QRFPR: variants seen among roughly 807,000 people sequenced by gnomAD.
QRFPR encodes pyroglutamylated RF-amide peptide receptor.
In QRFPR, 37 loss-of-function variants were observed where a neutral mutation model predicts 31.3. That is an observed-to-expected ratio of 1.18 (90% CI 0.91 to 1.56). The LOEUF is 1.56. Among genes scored for constraint, QRFPR ranks in the 40% most tolerant of loss-of-function variants. The probability of loss-of-function intolerance (pLI) is 0.00; values close to 1 mark genes in which losing one functional copy is unlikely to be tolerated. For synonymous variants in QRFPR, 197 were observed against 192.0 expected (o/e 1.03, Z -0.22); for missense variants, 542 against 532.5 (o/e 1.02, Z -0.18).
chr4:121,375,819 A>G (rs1334394066), intron 1 of QRFPR, among the ~76,000 whole-genome samples: 1 of 152,224 alleles, frequency 6.6e-6, no homozygotes, highest in African/African-American at 2.4e-5. Context: ...TAAAGGAAAC[A>G]AAGAGGCAAA....
At chr4:121,368,216 C>T (rs529697713) in intron 1 of QRFPR, among the ~76,000 whole-genome samples, 1 of 149,974 alleles carries the variant, frequency 6.7e-6, no homozygotes, top group South Asian at 2.1e-4. Context: ...CATTCTCCTC[C>T]TCCCACAGAC....
At position 121,331,175 on chromosome 4, in the gene QRFPR, GTTTTTTT is replaced by G. The variant is rs397995185; in HGVS notation, c.798-659_798-653del. ...TGGATATCTATACGATATATCTTGG[GTTTTTTT>G]TTTTTTTTTTTTTTTTTTTTGAGAC... On this transcript the variant is annotated intron_variant, in intron 4 of 5. Transcript: ENST00000394427. Among the ~76,000 whole-genome samples, 9 of 69,038 alleles carry G rather than the reference GTTTTTTT, an allele frequency of 1.3e-4. 1 individual carries two copies. The highest frequency in any genetic ancestry group is 6.5e-4 in the South Asian group (1 of 1,546). 45.3% of individuals were successfully genotyped at this position (69,038 alleles called of 152,430 possible).
At chr4:121,361,849 A>C (rs35555943) in intron 1 of QRFPR, among the ~76,000 whole-genome samples, 40,941 of 149,698 alleles carry the variant, frequency 0.27, 7,785 homozygotes, top group Non-Finnish European at 0.36. Context: ...GAAGCAAAAC[A>C]ATTTAATAAA....
chr4:121,376,448 C>T (rs1428604757), intron 1 of QRFPR, among the ~76,000 whole-genome samples: 1 of 152,066 alleles, frequency 6.6e-6, no homozygotes, highest in Admixed American at 6.5e-5. Context: ...CACTTTGCCT[C>T]ACCTATTATT....
Position 121,340,312 on chromosome 4 carries a change from G to A in QRFPR, c.499+140C>T. On this transcript the variant is annotated intron_variant, in intron 2 of 5. Transcript: ENST00000394427. ...TGGTGTGGAGATGAAGGCAAACAGG[G>A]AAAGCACTGAAACTCTCAAATTATA... The A allele has an allele frequency of 5.7e-6, 5 of 883,864 alleles. No individual in the cohort carries two copies. The South Asian group carries it at 7.9e-5, about 14-fold the overall frequency. 54.8% of individuals were successfully genotyped at this position (883,864 alleles called of 1,614,324 possible).
intron 1 of QRFPR, among the ~76,000 whole-genome samples, chr4:121,377,181 GC>G (rs1232230953): frequency 1.3e-5 from 2 of 152,126 alleles, no homozygotes; most frequent in Non-Finnish European, 2.9e-5. Context: ...TGTATTCCCA[GC>G]TTTTCAGAAG....
At chr4:121,340,712 C>T in intron 1 of QRFPR, 102 bp from the exon 2 acceptor site, 3 of 1,145,580 alleles carry the variant, frequency 2.6e-6, no homozygotes, top group South Asian at 3.3e-5. Context: ...TGAGCCTCTG[C>T]CAAAAAGTTT....
intron 2 of QRFPR, among the ~76,000 whole-genome samples, chr4:121,338,988 C>T (rs1387343962): frequency 6.6e-6 from 1 of 152,156 alleles, no homozygotes; most frequent in Non-Finnish European, 1.5e-5. Flanking sequence ...ATTAAAAGCC[C>T]AGAAATCTCT....
intron 1 of QRFPR, among the ~76,000 whole-genome samples, chr4:121,379,186 C>A (rs1282525838): frequency 6.6e-6 from 1 of 152,126 alleles, no homozygotes; most frequent in Non-Finnish European, 1.5e-5. Context: ...AAAATATTTA[C>A]ATTATAGATT....
intron 1 of QRFPR, chr4:121,370,211 A>G: frequency 1.3e-6 from 1 of 774,770 alleles, no homozygotes; most frequent in Admixed American, 1.7e-5. Flanking sequence ...CTGATGGAGG[A>G]GGAGTCATGG....
intron 1 of QRFPR, among the ~76,000 whole-genome samples, chr4:121,347,399 A>C (rs565179707): frequency 6.6e-6 from 1 of 152,102 alleles, no homozygotes; most frequent in East Asian, 1.9e-4. Context: ...GATGATAGAT[A>C]TAGATTACCT....
chr4:121,377,660 C>G (rs1396091974), intron 1 of QRFPR, among the ~76,000 whole-genome samples: 1 of 152,100 alleles, frequency 6.6e-6, no homozygotes, highest in Non-Finnish European at 1.5e-5. Context: ...CTTCAGGAAG[C>G]CTTCCTGACT....
chr4:121,380,684 T>C lies in QRFPR; in HGVS notation c.-37A>G. ...CCCGGGACGCGGGGCCACCGCCCGC[T>C]ACTGGCTGGCCATCCGCATCTGCGG... On this transcript the variant is annotated 5_prime_UTR_variant, in exon 1 of 6. An upstream open reading frame in the 5' UTR loses its in-frame stop. Transcript: ENST00000394427. 6.8e-7 allele frequency: 1 copy of C among 1,464,488 alleles called. No homozygotes were observed. Among genetic ancestry groups the C allele is most frequent in the South Asian group, 1.4e-5 (1 of 70,362 alleles). The allele number at this position is 1,464,488 out of a possible 1,614,324, so 90.7% of individuals were successfully genotyped here.
At chr4:121,369,379 C>G (rs1726189657) in intron 1 of QRFPR, 2 of 677,678 alleles carry the variant, frequency 3.0e-6, no homozygotes, top group Non-Finnish European at 5.3e-6. Flanking sequence ...GATAAAAGGG[C>G]AGTGGAGTGC....
chr4:121,352,446 C>T (rs1361522384), intron 1 of QRFPR, among the ~76,000 whole-genome samples: 1 of 152,024 alleles, frequency 6.6e-6, no homozygotes, highest in African/African-American at 2.4e-5. Flanking sequence ...GAAGTATGTA[C>T]TTTCTCAAGC....
chr4:121,369,807 G>T, intron 1 of QRFPR: 1 of 1,396,652 alleles, frequency 7.2e-7, no homozygotes, highest in Non-Finnish European at 1.0e-6. Flanking sequence ...GGTGAAAAGT[G>T]AGAAGTGGTG....
chr4:121,330,445 G>T lies in QRFPR; in HGVS notation c.876C>A (p.Val292=), dbSNP rs1560731428. 6.2e-7 allele frequency: 1 copy of T among 1,611,764 alleles called. No homozygotes were observed. The change falls in exon 5 of 6, where the codon GTC becomes GTA. Residue 292 remains valine (V), a synonymous_variant. Coordinates refer to ENST00000394427, the MANE Select transcript of QRFPR (RefSeq NM_198179.3). Reference sequence around the variant, plus strand: ...ACTCACTGTATTCAATCATCATATGGACAACATGGAATGGTGCCCAGCACA... The same window carrying T: ...ACTCACTGTATTCAATCATCATATGTACAACATGGAATGGTGCCCAGCACA... ...FAVCWAPFHV[V]HMMIEYSNFE...
At chr4:121,347,244 G>A (rs1187393886) in intron 1 of QRFPR, among the ~76,000 whole-genome samples, 2 of 152,048 alleles carry the variant, frequency 1.3e-5, no homozygotes, top group Non-Finnish European at 2.9e-5. Context: ...TGAGCATGTG[G>A]TTTAAAATCA....
intron 1 of QRFPR, among the ~76,000 whole-genome samples, chr4:121,346,151 T>C (rs1230449716): frequency 6.6e-6 from 1 of 152,228 alleles, no homozygotes; most frequent in Non-Finnish European, 1.5e-5. Context: ...GCAACCACTA[T>C]TTGAAATAAT....
Sources: allele counts gnomAD v4.1 joint callset (sites outside exome capture counted in the v4.1 genomes callset), GRCh38; gene constraint gnomAD v4.1.1; transcripts MANE v1.5; gene names NCBI Gene and HGNC (gene_info 2026-07-23, HGNC 2026-07-21).